Variants in LTBP1 observed in about 807,000 individuals in gnomAD.
LTBP1 encodes the protein latent-transforming growth factor beta-binding protein 1.
A neutral mutation model predicts 207.6 loss-of-function variants in LTBP1; 129 were observed. The ratio of observed to expected loss-of-function variants is 0.62; its 90% CI spans 0.54 to 0.72. The LOEUF (loss-of-function observed/expected upper bound fraction) is 0.72, where lower values mean the gene tolerates loss of function less well. LTBP1 is among the 30% of genes least tolerant of loss of function. The pLI is 0.00. For missense variants in LTBP1, 2,281 were observed against 2,217.2 expected (o/e 1.03, Z -0.58); for synonymous variants, 963 against 833.7 (o/e 1.16, Z -2.67).
intron 11 of LTBP1, among the ~76,000 whole-genome samples, chr2:33,255,583 A>C (rs1177670697): frequency 1.3e-5 from 2 of 152,204 alleles, no homozygotes; most frequent in Non-Finnish European, 2.9e-5. Flanking sequence ...GAACCAACCC[A>C]AATGTCCAAC....
intron 3 of LTBP1, among the ~76,000 whole-genome samples, chr2:33,087,221 G>A (rs2078818338): frequency 2.0e-5 from 3 of 149,648 alleles, no homozygotes; most frequent in African/African-American, 4.9e-5. Flanking sequence ...ACTACAGTTA[G>A]TGCCTGGCTA....
intron 26 of LTBP1, among the ~76,000 whole-genome samples, chr2:33,356,983 T>A (rs958849652): frequency 3.3e-5 from 5 of 152,212 alleles, no homozygotes; most frequent in African/African-American, 1.2e-4. Flanking sequence ...TTGTAATAAT[T>A]CTGACTGTTA....
intron 5 of LTBP1, among the ~76,000 whole-genome samples, chr2:33,140,914 C>T (rs537722637): frequency 6.6e-6 from 1 of 152,188 alleles, no homozygotes; most frequent in African/African-American, 2.4e-5. Flanking sequence ...AGTGATCCAC[C>T]CACCTCAGCC....
rs758372946 is a variant in LTBP1, at chr2:33,241,186, C to T, written c.1877-2476C>T. On this transcript the variant is annotated intron_variant, in intron 9 of 33. Transcript: ENST00000404816. ...TGAGAATGTGTCACAAAGGAAGGCC[C>T]AGGCTTCCTGGGTTCTTCGGGCCAA... 9.7e-4 allele frequency among the ~76,000 whole-genome samples: 148 copies of T among 152,198 alleles called. No homozygotes were observed. In the Middle Eastern group the frequency reaches 0.01, roughly 10 times the overall value.
At chr2:33,163,278 C>T (rs1297161749) in intron 5 of LTBP1, among the ~76,000 whole-genome samples, 1 of 152,198 alleles carries the variant, frequency 6.6e-6, no homozygotes, top group Non-Finnish European at 1.5e-5. Context: ...CACACCCAGC[C>T]TTTAAGAGGC....
intron 10 of LTBP1, among the ~76,000 whole-genome samples, chr2:33,244,870 A>G (rs959028168): frequency 6.6e-6 from 1 of 151,786 alleles, no homozygotes; most frequent in Admixed American, 6.6e-5. Context: ...TTATCTATCT[A>G]TCTATCTATC....
At chr2:33,207,337 A>G (rs1253326287) in intron 7 of LTBP1, among the ~76,000 whole-genome samples, 5 of 152,128 alleles carry the variant, frequency 3.3e-5, no homozygotes, top group African/African-American at 9.7e-5. Flanking sequence ...AAACAAATAC[A>G]CTGTCAGAAA....
chr2:32,949,921 A>C (rs1484491083), intron 2 of LTBP1, among the ~76,000 whole-genome samples: 1 of 152,210 alleles, frequency 6.6e-6, no homozygotes, highest in Non-Finnish European at 1.5e-5. Context: ...AAAAAGGGAA[A>C]TGTCCACAGG....
At chr2:33,183,086 A>G (rs2086841764) in intron 5 of LTBP1, among the ~76,000 whole-genome samples, 1 of 152,118 alleles carries the variant, frequency 6.6e-6, no homozygotes, top group Middle Eastern at 3.2e-3. Flanking sequence ...TCTTTTGTGT[A>G]CTGTCGTACT....
At chr2:32,961,203 A>C (rs891724793) in intron 2 of LTBP1, among the ~76,000 whole-genome samples, 1 of 152,138 alleles carries the variant, frequency 6.6e-6, no homozygotes, top group Non-Finnish European at 1.5e-5. Flanking sequence ...TAGCCTGACC[A>C]CCTGCCTGGT....
chr2:32,988,642 A>G (rs566856631), intron 2 of LTBP1, among the ~76,000 whole-genome samples: 1 of 152,346 alleles, frequency 6.6e-6, no homozygotes, highest in African/African-American at 2.4e-5. Flanking sequence ...AATATGAGTA[A>G]CAAGCACGAG....
chr2:33,283,888 A>C (rs1209609889), intron 19 of LTBP1, among the ~76,000 whole-genome samples: 1 of 152,202 alleles, frequency 6.6e-6, no homozygotes, highest in African/African-American at 2.4e-5. Flanking sequence ...CCTCTCACTG[A>C]GTACATGTTT....
chr2:33,055,640 C>A lies in LTBP1; in HGVS notation c.863+34434C>A, dbSNP rs182065009. The stretch of plus-strand genomic sequence containing the variant: ...TTTTCGTTAAAGGCCAGGGTTTGAT[C>A]TAACAGTAGCATGACATCTCTCCAA... On this transcript the variant is annotated intron_variant, in intron 3 of 33. Transcript: ENST00000404816. 1.8e-3 allele frequency among the ~76,000 whole-genome samples: 279 copies of A among 152,316 alleles called. 2 individuals are homozygous for A. In the South Asian group the frequency reaches 0.029, roughly 16 times the overall value.
At chr2:33,351,656 G>A (rs552870496) in intron 26 of LTBP1, among the ~76,000 whole-genome samples, 14 of 152,266 alleles carry the variant, frequency 9.2e-5, no homozygotes, top group African/African-American at 3.1e-4. Flanking sequence ...TAAGTGAGCC[G>A]TCAGTGAGCT....
chr2:32,948,869 T>C lies in LTBP1; in HGVS notation c.495-6T>C, dbSNP rs1179854164. Reference sequence around the variant, plus strand: ...TGCTGGACTCAGCGATCTTGCTTTGTTTCAGGGTCAATGTCTGTGGAGGGC... The same window carrying C: ...TGCTGGACTCAGCGATCTTGCTTTGCTTCAGGGTCAATGTCTGTGGAGGGC... On this transcript the variant is annotated splice_polypyrimidine_tract_variant and splice_region_variant and intron_variant, in intron 1 of 33. Transcript: ENST00000404816. The C allele has an allele frequency of 6.2e-7, 1 of 1,613,940 alleles. No individual in the cohort carries two copies.
At chr2:33,119,264 C>G (rs1019616935) in intron 4 of LTBP1, among the ~76,000 whole-genome samples, 2 of 152,150 alleles carry the variant, frequency 1.3e-5, no homozygotes, top group East Asian at 3.9e-4. Context: ...GGTGCCTCCT[C>G]AGCCTTAGGA....
chr2:33,135,069 G>A, intron 5 of LTBP1, 109 bp downstream of exon 5: 1 of 1,096,790 alleles, frequency 9.1e-7, no homozygotes, highest in Non-Finnish European at 1.3e-6. Flanking sequence ...ATGGGTGTCT[G>A]TCTATGAGTA....
At chr2:33,344,553 G>A (rs1174235815) in intron 25 of LTBP1, among the ~76,000 whole-genome samples, 4 of 152,060 alleles carry the variant, frequency 2.6e-5, no homozygotes, top group African/African-American at 4.8e-5. Flanking sequence ...TTTCTCACTC[G>A]TTCTTGAAGA....
rs930604438 is a variant in LTBP1 at position 32,947,661 on chromosome 2, G to A, written c.337G>A (p.Val113Ile). Residue 113 changes from valine (V) to isoleucine (I), a missense_variant, in exon 1 of 34, where the codon GTC becomes ATC. By Grantham distance (29) the Val-to-Ile change is conservative. Coordinates refer to ENST00000404816, the MANE Select transcript of LTBP1 (RefSeq NM_206943.4). ...PPPPEPARPA[V>I]PGGQLHPNPG... is the part of the protein sequence containing the mutation. Reference sequence around the variant, plus strand: ...GCCGCCGGAGCCTGCGCGTCCCGCGGTCCCCGGCGGGCAGCTCCACCCCAA... The same window carrying A: ...GCCGCCGGAGCCTGCGCGTCCCGCGATCCCCGGCGGGCAGCTCCACCCCAA... 2.8e-6 allele frequency: 4 copies of A among 1,427,902 alleles called. No individual in the cohort carries two copies. In the African/African-American group the frequency reaches 6.0e-5, roughly 21 times the overall value. 88.5% of individuals were successfully genotyped at this position (1,427,902 alleles called of 1,614,324 possible). A position where few individuals can be genotyped will look rare whatever the true frequency, so the allele number is the denominator to read the frequency against.
Sources: gnomAD v4.1 joint callset for allele counts (sites outside exome capture counted in the v4.1 genomes callset) on GRCh38, gnomAD v4.1.1 for gene constraint, MANE v1.5 for transcripts, NCBI Gene and HGNC (gene_info 2026-07-23, HGNC 2026-07-21) for gene names.